Variants in PRKCZ observed in about 807,000 individuals in gnomAD.
PRKCZ encodes protein kinase C zeta.
In PRKCZ, 33 loss-of-function variants were observed where a neutral mutation model predicts 79.5. The observed-to-expected ratio is 0.41, with a 90% CI of 0.31 to 0.55. The LOEUF (loss-of-function observed/expected upper bound fraction) is 0.55, where lower values mean the gene tolerates loss of function less well. PRKCZ is among the 20% of genes least tolerant of loss of function. The pLI, the probability that PRKCZ is intolerant of heterozygous loss-of-function variation, is 0.19. For missense variants in PRKCZ, 578 were observed against 813.5 expected (o/e 0.71, Z 3.52); for synonymous variants, 342 against 320.9 (o/e 1.07, Z -0.70).
intron 4 of PRKCZ, among the ~76,000 whole-genome samples, chr1:2,097,046 G>A (rs1666649767): frequency 6.6e-6 from 1 of 152,248 alleles, no homozygotes; most frequent in Non-Finnish European, 1.5e-5. Flanking sequence ...CGGAGCTGAC[G>A]CTCAGGCCAC....
At chr1:2,051,804 C>G (rs1327349202) in intron 1 of PRKCZ, among the ~76,000 whole-genome samples, 5 of 152,180 alleles carry the variant, frequency 3.3e-5, no homozygotes, top group Non-Finnish European at 7.4e-5. Context: ...GGTCAGCCAT[C>G]TGGGGCTGCT....
At position 2,172,523 on chromosome 1, in the gene PRKCZ, G is replaced by A; in HGVS notation, c.1285+135G>A. On this transcript the variant is annotated intron_variant, in intron 13 of 17. Coordinates refer to ENST00000378567, the MANE Select transcript of PRKCZ (RefSeq NM_002744.6). The surrounding 1 kb of genome is among the most constrained non-coding windows in gnomAD (Gnocchi z 7.8). ...CACACACTGTCTTTCCCAGCCGGATGTCATCATCTGGCCTCAGCCCCTTAT... is the reference window on the plus strand; with the variant it reads ...CACACACTGTCTTTCCCAGCCGGATATCATCATCTGGCCTCAGCCCCTTAT... The A allele has an allele frequency of 9.7e-7, 1 of 1,029,244 alleles. No homozygotes were observed. The highest frequency in any genetic ancestry group is 2.8e-5 in the Admixed American group (1 of 35,158). 63.8% of individuals were successfully genotyped at this position (1,029,244 alleles called of 1,614,324 possible).
chr1:2,153,718 C>T (rs932297666), intron 9 of PRKCZ, among the ~76,000 whole-genome samples: 5 of 152,200 alleles, frequency 3.3e-5, no homozygotes, highest in African/African-American at 1.2e-4. Context: ...AGCAGGTTTG[C>T]GGGACCCTGA....
chr1:2,080,368 G>C (rs1663271264), intron 4 of PRKCZ, among the ~76,000 whole-genome samples: 1 of 152,198 alleles, frequency 6.6e-6, no homozygotes, highest in African/African-American at 2.4e-5. Flanking sequence ...GGCAGGTGTG[G>C]ACCAGCACGT....
intron 4 of PRKCZ, among the ~76,000 whole-genome samples, chr1:2,123,801 TGGTGGTTAGGGTCAC>T: frequency 8.9e-5 from 1 of 11,280 alleles, no homozygotes; most frequent in African/African-American, 6.0e-4. Flanking sequence ...GTTAGGGTTG[TGGTGGTTAGGGTCAC>T]GGCGGTGGTT....
chr1:2,120,267 T>C (rs1671591530), intron 4 of PRKCZ, among the ~76,000 whole-genome samples: 1 of 147,786 alleles, frequency 6.8e-6, no homozygotes, highest in South Asian at 2.1e-4. Flanking sequence ...TTGTCTCTTT[T>C]GGAAAATATC....
intron 4 of PRKCZ, chr1:2,104,881 A>G (rs1668111713): frequency 2.0e-6 from 2 of 985,494 alleles, no homozygotes; most frequent in Non-Finnish European, 2.4e-6. Context: ...CAGAGAGAGA[A>G]GAGCAGTTTT....
At chr1:2,059,905 C>T (rs547780303) in intron 4 of PRKCZ, among the ~76,000 whole-genome samples, 2 of 152,198 alleles carry the variant, frequency 1.3e-5, no homozygotes, top group Non-Finnish European at 2.9e-5. Context: ...GTGGCTGCCT[C>T]AGCTCACGAC....
At chr1:2,154,012 G>A (rs924510428) in intron 9 of PRKCZ, among the ~76,000 whole-genome samples, 1 of 152,234 alleles carries the variant, frequency 6.6e-6, no homozygotes, top group Non-Finnish European at 1.5e-5. Flanking sequence ...ACTCAGCAGT[G>A]CTGTGTCCAG....
chr1:2,157,444 G>A (rs890418623), intron 10 of PRKCZ, among the ~76,000 whole-genome samples: 1 of 151,864 alleles, frequency 6.6e-6, no homozygotes, highest in African/African-American at 2.4e-5. Flanking sequence ...TTGAGATGGA[G>A]TCTCGCTCTA....
Position 2,183,136 on chromosome 1 carries a change from C to T in PRKCZ, c.1576-1447C>T, listed in dbSNP as rs1250613899. ...CTCCCAGCTACTCAGAAGGCTGAGG[C>T]GGGAGAATGGTGTGAACCTGGGAGG... On this transcript the variant is annotated intron_variant, in intron 16 of 17. Coordinates refer to ENST00000378567, the MANE Select transcript of PRKCZ (RefSeq NM_002744.6). 2.6e-5 allele frequency among the ~76,000 whole-genome samples: 4 copies of T among 152,168 alleles called. 1 individual carries two copies. The highest frequency in any genetic ancestry group is 4.4e-5 in the Non-Finnish European group (3 of 68,024).
At position 2,173,392 on chromosome 1, in the gene PRKCZ, GCA is replaced by G. The variant is rs1359055817; in HGVS notation, c.1286-504_1286-503del. Among the ~76,000 whole-genome samples, 1 of 152,180 alleles carries G rather than the reference GCA, an allele frequency of 6.6e-6. No individual in the cohort carries two copies. Among genetic ancestry groups the G allele is most frequent in the African/African-American group, 2.4e-5 (1 of 41,434 alleles). ...AGGGACCAGGGGGACTTCCGGGGAC[GCA>G]GAGACAGCTGCTGTCCTTGGGCAAA... On this transcript the variant is annotated intron_variant, in intron 13 of 17. Transcript: ENST00000378567. The surrounding 1 kb of genome is among the most constrained non-coding windows in gnomAD (Gnocchi z 5.7).
At chr1:2,164,873 C>T (rs1397978176) in intron 10 of PRKCZ, among the ~76,000 whole-genome samples, 2 of 152,096 alleles carry the variant, frequency 1.3e-5, no homozygotes, top group African/African-American at 4.8e-5. Context: ...GTGTTCTCAC[C>T]CAGTCCCACG....
intron 4 of PRKCZ, among the ~76,000 whole-genome samples, chr1:2,084,690 C>T (rs934984649): frequency 4.6e-5 from 7 of 152,146 alleles, no homozygotes; most frequent in Non-Finnish European, 2.9e-5. Flanking sequence ...TGTGGCAGCA[C>T]CTTGTCAGCA....
At position 2,082,275 on chromosome 1, in the gene PRKCZ, C is replaced by T. The variant is rs1161073232; in HGVS notation, c.334+22684C>T. On this transcript the variant is annotated intron_variant, in intron 4 of 17. Transcript: ENST00000378567. The surrounding 1 kb of genome is among the most constrained non-coding windows in gnomAD (Gnocchi z 4.4). ...TTGGCAAGAGGGAGGCTCCGTGGCACGATCACACGTGCAGGAGCTGGGGGC... is the reference window on the plus strand; with the variant it reads ...TTGGCAAGAGGGAGGCTCCGTGGCATGATCACACGTGCAGGAGCTGGGGGC... 7.1e-6 allele frequency: 3 copies of T among 421,834 alleles called. No individual in the cohort carries two copies. The highest frequency in any genetic ancestry group is 1.7e-5 in the South Asian group (1 of 58,234). 26.1% of individuals were successfully genotyped at this position (421,834 alleles called of 1,614,324 possible).
At chr1:2,133,081 C>G (rs1557645984) in intron 4 of PRKCZ, among the ~76,000 whole-genome samples, 1 of 152,210 alleles carries the variant, frequency 6.6e-6, no homozygotes, top group Admixed American at 6.5e-5. Context: ...CTGATGAGCC[C>G]TGGCGTCTGC....
intron 4 of PRKCZ, among the ~76,000 whole-genome samples, chr1:2,067,762 C>T (rs756938883): frequency 2.0e-5 from 3 of 152,232 alleles, no homozygotes; most frequent in Non-Finnish European, 4.4e-5. Flanking sequence ...TCCCGGGTAC[C>T]TCTTCTTTGC....
rs376866587 is a variant in PRKCZ, at chr1:2,160,343, C to T, written c.974+4251C>T. Among the ~76,000 whole-genome samples, 6 of 152,084 alleles carry T rather than the reference C, an allele frequency of 3.9e-5. 1 individual carries two copies. In the South Asian group the frequency reaches 1.2e-3, roughly 32 times the overall value. ...CTTTACTAACAGCAGAGAGTGACGT[C>T]CCTGGAACTGGTCACCAGCGTCAGG... is the stretch of plus-strand genomic sequence containing the variant. On this transcript the variant is annotated intron_variant, in intron 10 of 17. Transcript: ENST00000378567.
intron 4 of PRKCZ, among the ~76,000 whole-genome samples, chr1:2,079,827 A>G (rs1460013457): frequency 6.6e-6 from 1 of 151,902 alleles, no homozygotes; most frequent in Non-Finnish European, 1.5e-5. Context: ...GTCTGCCCAC[A>G]TTGACTCGTG....
Sources: allele counts gnomAD v4.1 joint callset (sites outside exome capture counted in the v4.1 genomes callset), GRCh38; gene constraint gnomAD v4.1.1; non-coding constraint Gnocchi (gnomAD v3.1); transcripts MANE v1.5; gene names NCBI Gene and HGNC (gene_info 2026-07-23, HGNC 2026-07-21).